Variants in SYNDIG1 observed in about 807,000 individuals in gnomAD.
The protein encoded by SYNDIG1 is synapse differentiation inducing 1.
In SYNDIG1, 9 loss-of-function variants were observed where a neutral mutation model predicts 19.4. That is an observed-to-expected ratio of 0.46 (90% CI 0.28 to 0.81). SYNDIG1 has a LOEUF of 0.81. Ranked by LOEUF, SYNDIG1 falls within the 30% of genes least tolerant of loss-of-function variation. SYNDIG1 has a pLI of 0.12. For synonymous variants in SYNDIG1, 141 were observed against 145.9 expected, an observed-to-expected ratio of 0.97 and a Z score of 0.24; for missense variants, 311 against 343.3, an observed-to-expected ratio of 0.91 and a Z score of 0.74.
Position 24,494,645 on chromosome 20 carries a change from T to A in SYNDIG1, c.-79+24892T>A, listed in dbSNP as rs941356523. Reference sequence around the variant, plus strand: ...GGAGAGGTGCATGTGGCCGGGAGGGTGGGCAGGACTGGAGGCAGCAGGGAC... The same window carrying A: ...GGAGAGGTGCATGTGGCCGGGAGGGAGGGCAGGACTGGAGGCAGCAGGGAC... On this transcript the variant is annotated intron_variant, in intron 1 of 3. Coordinates refer to ENST00000376862, the MANE Select transcript of SYNDIG1 (RefSeq NM_024893.3). 2.0e-5 allele frequency among the ~76,000 whole-genome samples: 3 copies of A among 152,052 alleles called. No homozygotes were observed. In the East Asian group the frequency reaches 5.8e-4, roughly 30 times the overall value.
rs1409825336 is a variant in SYNDIG1 at position 24,608,134 on chromosome 20, G to A, written c.618+23141G>A. ...ATATGATCTATCAATGCTTTCTAGA[G>A]TATAAACCCATGACAAATAATACAG... On this transcript the variant is annotated intron_variant, in intron 3 of 3. Transcript: ENST00000376862. Among the ~76,000 whole-genome samples the A allele has an allele frequency of 2.0e-5, 3 of 151,578 alleles. No homozygotes were observed. In the East Asian group the frequency reaches 5.8e-4, roughly 29 times the overall value.
rs554871509 is a variant in SYNDIG1, at chr20:24,565,742, C to A, written c.481-19114C>A. Among the ~76,000 whole-genome samples, 6 of 152,282 alleles carry A rather than the reference C, an allele frequency of 3.9e-5. No individual in the cohort carries two copies. The East Asian group carries it at 1.2e-3, about 29-fold the overall frequency. ...GTGGGGGATCTCCCAGCAGCCCCAA[C>A]TCCCACCTTCTCCTTCCCCCGCTTC... is the stretch of plus-strand genomic sequence containing the variant. On this transcript the variant is annotated intron_variant, in intron 2 of 3. Transcript: ENST00000376862.
At chr20:24,473,397 C>T (rs1199295278) in intron 1 of SYNDIG1, among the ~76,000 whole-genome samples, 4 of 152,108 alleles carry the variant, frequency 2.6e-5, no homozygotes, top group Non-Finnish European at 5.9e-5. Flanking sequence ...ACCACGTCAC[C>T]AGAATTAGAA....
At chr20:24,660,599 G>T (rs1415562354) in intron 3 of SYNDIG1, among the ~76,000 whole-genome samples, 1 of 152,236 alleles carries the variant, frequency 6.6e-6, no homozygotes, top group African/African-American at 2.4e-5. Context: ...AGGAGACAGA[G>T]ATGTCACAGC....
At chr20:24,524,954 T>C (rs1256597041) in intron 1 of SYNDIG1, among the ~76,000 whole-genome samples, 2 of 152,166 alleles carry the variant, frequency 1.3e-5, no homozygotes, top group African/African-American at 4.8e-5. Flanking sequence ...TTTGCCTTTA[T>C]TATTATTATT....
At chr20:24,572,253 G>A (rs2058155728) in intron 2 of SYNDIG1, among the ~76,000 whole-genome samples, 1 of 152,212 alleles carries the variant, frequency 6.6e-6, no homozygotes, top group Admixed American at 6.5e-5. Context: ...ACTTTAGTTT[G>A]GAAAATACTC....
intron 3 of SYNDIG1, among the ~76,000 whole-genome samples, chr20:24,621,960 T>C (rs1249172453): frequency 6.6e-6 from 1 of 152,244 alleles, no homozygotes; most frequent in Non-Finnish European, 1.5e-5. Context: ...TTTAACTCAG[T>C]ATCTTCTGCT....
chr20:24,518,169 C>G (rs1249996072), intron 1 of SYNDIG1, among the ~76,000 whole-genome samples: 1 of 152,010 alleles, frequency 6.6e-6, no homozygotes, highest in East Asian at 1.9e-4. Context: ...TTGAATTTAG[C>G]TGCTGCAGCA....
At chr20:24,545,774 G>A (rs1459403253) in intron 2 of SYNDIG1, among the ~76,000 whole-genome samples, 1 of 152,208 alleles carries the variant, frequency 6.6e-6, no homozygotes, top group Non-Finnish European at 1.5e-5. Context: ...TCTAGCAGCA[G>A]AAGTGGAAGC....
At chr20:24,535,526 G>T (rs2057343361) in intron 1 of SYNDIG1, among the ~76,000 whole-genome samples, 1 of 152,106 alleles carries the variant, frequency 6.6e-6, no homozygotes, top group Admixed American at 6.5e-5. Context: ...TAAAAGAAAA[G>T]ATGTTTATCT....
At chr20:24,575,908 G>A (rs975151616) in intron 2 of SYNDIG1, among the ~76,000 whole-genome samples, 5 of 152,168 alleles carry the variant, frequency 3.3e-5, no homozygotes, top group African/African-American at 1.2e-4. Flanking sequence ...TTTGGGCCTG[G>A]GCAGGTTCAG....
intron 1 of SYNDIG1, among the ~76,000 whole-genome samples, chr20:24,524,876 T>G (rs985509001): frequency 2.0e-5 from 3 of 152,166 alleles, no homozygotes; most frequent in Non-Finnish European, 4.4e-5. Context: ...GTGGATCCTC[T>G]GTGTGGTATC....
chr20:24,610,193 G>A (rs997987869), intron 3 of SYNDIG1, among the ~76,000 whole-genome samples: 1 of 152,158 alleles, frequency 6.6e-6, no homozygotes, highest in Non-Finnish European at 1.5e-5. Flanking sequence ...TGGAGAGACG[G>A]GGTATCTTGA....
At chr20:24,487,798 C>T (rs1279693421) in intron 1 of SYNDIG1, among the ~76,000 whole-genome samples, 1 of 152,126 alleles carries the variant, frequency 6.6e-6, no homozygotes, top group African/African-American at 2.4e-5. Context: ...CCACAGCTCC[C>T]GTCAAGAAGA....
At chr20:24,559,542 C>T (rs1188495460) in intron 2 of SYNDIG1, among the ~76,000 whole-genome samples, 2 of 152,178 alleles carry the variant, frequency 1.3e-5, no homozygotes, top group East Asian at 3.8e-4. Flanking sequence ...TATATAGTTA[C>T]CCTCACTCAT....
intron 3 of SYNDIG1, among the ~76,000 whole-genome samples, chr20:24,608,184 T>C (rs921288534): frequency 1.3e-4 from 18 of 135,228 alleles, no homozygotes; most frequent in Admixed American, 7.8e-4. Flanking sequence ...TTTGGCAATA[T>C]TATCTCCTAT....
intron 3 of SYNDIG1, among the ~76,000 whole-genome samples, chr20:24,654,114 G>A (rs1008808067): frequency 3.3e-5 from 5 of 152,216 alleles, no homozygotes; most frequent in Non-Finnish European, 7.3e-5. Flanking sequence ...AAGACAGCTT[G>A]CAGCCTAATC....
chr20:24,517,590 G>A (rs1428483185), intron 1 of SYNDIG1, among the ~76,000 whole-genome samples: 1 of 144,504 alleles, frequency 6.9e-6, no homozygotes, highest in Non-Finnish European at 1.5e-5. Flanking sequence ...CTGCACTCCA[G>A]CCTGGGTGAC....
At chr20:24,487,186 T>C (rs1159134123) in intron 1 of SYNDIG1, among the ~76,000 whole-genome samples, 2 of 152,156 alleles carry the variant, frequency 1.3e-5, no homozygotes, top group South Asian at 2.1e-4. Flanking sequence ...TATGGTTTAA[T>C]TTGCCTTAAG....
Sources: allele counts gnomAD v4.1 joint callset (sites outside exome capture counted in the v4.1 genomes callset), GRCh38; gene constraint gnomAD v4.1.1; transcripts MANE v1.5; gene names NCBI Gene and HGNC (gene_info 2026-07-23, HGNC 2026-07-21).